The following CLSPN variants were observed in gnomAD, a reference collection of about 807,000 sequenced individuals.
CLSPN encodes claspin homolog.
In CLSPN, 85 loss-of-function variants were observed where a neutral mutation model predicts 156.3. The ratio of observed to expected loss-of-function variants is 0.54; its 90% CI spans 0.46 to 0.65. The LOEUF (loss-of-function observed/expected upper bound fraction) is 0.65, where lower values mean the gene tolerates loss of function less well. Ranked by LOEUF, CLSPN falls within the 30% of genes least tolerant of loss-of-function variation. The pLI is 0.00. For synonymous variants in CLSPN, 534 were observed against 542.4 expected, an observed-to-expected ratio of 0.98 and a Z score of 0.22; for missense variants, 1,407 against 1,554.9, an observed-to-expected ratio of 0.90 and a Z score of 1.60.
At chr1:35,737,779 C>T (rs1022744150) in intron 22 of CLSPN, 1 of 444,600 alleles carries the variant, frequency 2.2e-6, no homozygotes, top group Non-Finnish European at 4.0e-6. Context: ...TAAAGTAAAA[C>T]CAGCCACATA....
chr1:35,741,739 C>A (rs1207506654), intron 18 of CLSPN, among the ~76,000 whole-genome samples: 1 of 151,546 alleles, frequency 6.6e-6, no homozygotes, highest in Non-Finnish European at 1.5e-5. Flanking sequence ...TGTTGGAAGG[C>A]CAAGGCGGGT....
downstream of CLSPN, among the ~76,000 whole-genome samples, chr1:35,728,247 A>G (rs187501312): frequency 2.4e-3 from 371 of 151,976 alleles, 2 homozygotes; most frequent in African/African-American, 8.7e-3. Context: ...ATGCACAGCT[A>G]ATTTTTGTAT....
Position 35,738,013 on chromosome 1 carries a change from C to T in CLSPN, c.3643G>A (p.Ala1215Thr). Residue 1215 changes from alanine to threonine, a missense_variant, in exon 22 of 25, where the codon GCC (alanine) becomes ACC (threonine). Transcript: ENST00000318121. The part of the protein sequence containing the change: ...QFMILAKKVT[A>T]KALQKNASRP... ...TCACCATTCTTCTGCAGTGCTTTGGCTGTAACTTTCTTGGCCAGTATCATA... is the reference window on the plus strand; with the variant it reads ...TCACCATTCTTCTGCAGTGCTTTGGTTGTAACTTTCTTGGCCAGTATCATA... The T allele has an allele frequency of 6.7e-7, 1 of 1,491,448 alleles. No individual in the cohort carries two copies. The highest frequency in any genetic ancestry group is 1.5e-5 in the South Asian group (1 of 67,692). 92.4% of individuals were successfully genotyped at this position (1,491,448 alleles called of 1,614,324 possible). A position where few individuals can be genotyped will look rare whatever the true frequency, so the allele number is the denominator to read the frequency against.
chr1:35,725,598 C>A (rs1641163941), intron 24 of CLSPN, among the ~76,000 whole-genome samples: 1 of 152,082 alleles, frequency 6.6e-6, no homozygotes, highest in Non-Finnish European at 1.5e-5. Context: ...ATCAGCACAG[C>A]CTTTCAAGGC....
Position 35,762,455 on chromosome 1 carries a change from C to T in CLSPN, c.771G>A (p.Gly257=), listed in dbSNP as rs149000353. 1.1e-4 allele frequency: 176 copies of T among 1,613,844 alleles called. No homozygotes were observed. Among genetic ancestry groups the T allele is most frequent in the African/African-American group, 7.9e-4 (59 of 74,982 alleles). The change falls in exon 5 of 25, where the codon GGG becomes GGA. Residue 257 remains glycine (G), a synonymous_variant. Coordinates refer to ENST00000318121, the MANE Select transcript of CLSPN (RefSeq NM_022111.4). ...CACTTCCTTCCTCAAATGAATGGAC[C>T]CCACTCTCCAAAGATGGTTCTTTTT... is the stretch of plus-strand genomic sequence containing the variant. The part of the protein sequence containing the change: ...HKKKEPSLES[G]VHSFEEGSEL...
Position 35,734,080 on chromosome 1 carries a change from T to C in CLSPN, c.*2416A>G. On this transcript the variant is annotated 3_prime_UTR_variant, in exon 25 of 25. Transcript: ENST00000318121. ...GCTGAACCCAAACCACTTGGTAAGT[T>C]AACTTGATCAATTCACTAGGACTGA... 1 of 985,414 alleles carries C rather than the reference T, an allele frequency of 1.0e-6. No homozygotes were observed. Among genetic ancestry groups the C allele is most frequent in the African/African-American group, 1.7e-5 (1 of 57,360 alleles). The allele number at this position is 985,414 out of a possible 1,614,324, so 61.0% of individuals were successfully genotyped here.
Position 35,739,525 on chromosome 1 carries a change from A to G in CLSPN, c.3148T>C (p.Leu1050=), listed in dbSNP as rs763679135. ...RSEKLKRQMR[L]RKYLEDEAEV... Reference sequence around the variant, plus strand: ...GCCTCATCCTCCAGGTATTTCCTCAACCTCCTAGAAAGCAATTTTGAGGAT... The same window carrying G: ...GCCTCATCCTCCAGGTATTTCCTCAGCCTCCTAGAAAGCAATTTTGAGGAT... The change falls in exon 19 of 25, where the codon TTG becomes CTG. Residue 1050 remains leucine, a synonymous_variant. Coordinates refer to ENST00000318121, the MANE Select transcript of CLSPN (RefSeq NM_022111.4). 6.2e-7 allele frequency: 1 copy of G among 1,610,334 alleles called. No homozygotes were observed. The highest frequency in any genetic ancestry group is 2.2e-5 in the East Asian group (1 of 44,854).
chr1:35,748,665 G>GA, intron 12 of CLSPN, 61 bp from the exon 13 acceptor site: 1 of 1,410,176 alleles, frequency 7.1e-7, no homozygotes, highest in Non-Finnish European at 1.0e-6. Flanking sequence ...ATTTGTTTAG[G>GA]AAAAAGAGTT....
chr1:35,744,081 T>A (rs1275352077), intron 16 of CLSPN, among the ~76,000 whole-genome samples: 2 of 152,174 alleles, frequency 1.3e-5, no homozygotes, highest in East Asian at 3.9e-4. Flanking sequence ...TGTTAAGCAA[T>A]CTCCAGAACT....
chr1:35,768,166 G>A (rs1054979353), intron 1 of CLSPN, among the ~76,000 whole-genome samples: 1 of 152,076 alleles, frequency 6.6e-6, no homozygotes, highest in Non-Finnish European at 1.5e-5. Context: ...TCAGGAGTTC[G>A]AGACTAGCCT....
Position 35,733,434 on chromosome 1 carries a change from C to A in CLSPN, c.*3062G>T. 1 of 983,162 alleles carries A rather than the reference C, an allele frequency of 1.0e-6. No individual in the cohort carries two copies. Among genetic ancestry groups the A allele is most frequent in the Non-Finnish European group, 1.2e-6 (1 of 828,480 alleles). 60.9% of individuals were successfully genotyped at this position (983,162 alleles called of 1,614,324 possible). ...TCTCCTAAAGTGCTGGCGTGAGCCACCGGACCTGGCTGAATTTTCTTATCC... is the reference window on the plus strand; with the variant it reads ...TCTCCTAAAGTGCTGGCGTGAGCCAACGGACCTGGCTGAATTTTCTTATCC... On this transcript the variant is annotated 3_prime_UTR_variant, in exon 25 of 25. Coordinates refer to ENST00000318121, the MANE Select transcript of CLSPN (RefSeq NM_022111.4).
At chr1:35,756,558 C>T (rs1261533686) in intron 8 of CLSPN, among the ~76,000 whole-genome samples, 1 of 152,166 alleles carries the variant, frequency 6.6e-6, no homozygotes, top group East Asian at 1.9e-4. Context: ...TCCTCCATCA[C>T]CTCTCATCTC....
chr1:35,747,745 C>G (rs1226860486), intron 14 of CLSPN, among the ~76,000 whole-genome samples, 162 bp downstream of exon 14: 1 of 152,242 alleles, frequency 6.6e-6, no homozygotes, highest in Non-Finnish European at 1.5e-5. Flanking sequence ...ATTTTCTGGA[C>G]AGACTTTGTT....
intron 3 of CLSPN, 57 bp downstream of exon 3, chr1:35,764,209 A>G (rs1210499979): frequency 9.0e-7 from 1 of 1,116,768 alleles, no homozygotes; most frequent in East Asian, 2.4e-5. Context: ...ACTAACAGCA[A>G]CCTTTTCTAA....
chr1:35,721,089 C>T (rs1641063650), intron 24 of CLSPN: 2 of 700,786 alleles, frequency 2.9e-6, no homozygotes, highest in African/African-American at 1.8e-5. Flanking sequence ...GTTTTGTATG[C>T]CTTATTTTGC....
At chr1:35,763,604 T>C (rs564255850) in intron 3 of CLSPN, among the ~76,000 whole-genome samples, 3 of 152,296 alleles carry the variant, frequency 2.0e-5, no homozygotes, top group Admixed American at 1.3e-4. Context: ...GGATGGTTTT[T>C]CTAGTTAGCA....
intron 1 of CLSPN, among the ~76,000 whole-genome samples, chr1:35,766,375 G>A (rs1352438717): frequency 6.6e-6 from 1 of 151,692 alleles, no homozygotes; most frequent in Non-Finnish European, 1.5e-5. Flanking sequence ...ATAAGTGAAT[G>A]TATATATGTG....
chr1:35,737,020 G>A lies in CLSPN; in HGVS notation c.3803C>T (p.Ala1268Val). The change falls in exon 24 of 25, where the codon GCT becomes GTT. Residue 1268 changes from alanine to valine, a missense_variant. Physicochemically the swap from Ala to Val is moderately conservative, Grantham distance 64. Around this residue, in one of 3 missense-constraint regions of CLSPN, gnomAD observed 241 missense variants for 240.5 expected, o/e 1.00. Transcript: ENST00000318121. ...QPKAVLQKLA[A>V]LSDHNPSAPR... ...AGCACTGGGGTTATGGTCAGAGAGA[G>A]CAGCCAGTTTCTGAAGCACAGCTTT... The A allele has an allele frequency of 6.2e-7, 1 of 1,614,158 alleles. No individual in the cohort carries two copies. Among genetic ancestry groups the A allele is most frequent in the South Asian group, 1.1e-5 (1 of 91,080 alleles).
chr1:35,737,171 C>T, intron 23 of CLSPN, 96 bp from the exon 24 acceptor site: 1 of 1,302,710 alleles, frequency 7.7e-7, no homozygotes, highest in Non-Finnish European at 1.1e-6. Flanking sequence ...ATTGAGGGTA[C>T]ATATGCCTAC....
Sources: allele counts gnomAD v4.1 joint callset (sites outside exome capture counted in the v4.1 genomes callset), GRCh38; gene constraint gnomAD v4.1.1; regional missense constraint gnomAD v4.1.1; transcripts MANE v1.5; gene names NCBI Gene and HGNC (gene_info 2026-07-23, HGNC 2026-07-21).